PRDM16: variants seen among roughly 807,000 people sequenced by gnomAD.
PRDM16 encodes the protein PR/SET domain 16.
PRDM16 carries 23 observed loss-of-function variants against 110.6 expected under a neutral mutation model. That is an observed-to-expected ratio of 0.21 (90% CI 0.15 to 0.29). The LOEUF (loss-of-function observed/expected upper bound fraction) is 0.29, where lower values mean the gene tolerates loss of function less well. PRDM16 is among the 10% of genes least tolerant of loss of function. The pLI, the probability that PRDM16 is intolerant of heterozygous loss-of-function variation, is 1.00. For missense variants in PRDM16, 1,615 were observed against 1,794.3 expected (o/e 0.90, Z 1.81); for synonymous variants, 799 against 781.8 (o/e 1.02, Z -0.37).
chr1:3,145,935 C>A (rs1420605793), intron 1 of PRDM16, among the ~76,000 whole-genome samples: 1 of 152,046 alleles, frequency 6.6e-6, no homozygotes, highest in Non-Finnish European at 1.5e-5. Flanking sequence ...TCCCCCGGCG[C>A]CCCCCGGGTC....
At chr1:3,207,931 C>T (rs991550510) in intron 2 of PRDM16, 3 of 152,296 alleles carry the variant, frequency 2.0e-5, no homozygotes, top group African/African-American at 7.2e-5. Context: ...GCTGCTGGCA[C>T]AGCGGCTGAG....
At chr1:3,147,660 G>A (rs1170279194) in intron 1 of PRDM16, among the ~76,000 whole-genome samples, 1 of 152,156 alleles carries the variant, frequency 6.6e-6, no homozygotes, top group Non-Finnish European at 1.5e-5. Flanking sequence ...GTCGCACACA[G>A]CACCGGTCCC....
rs1640034805 is a variant in PRDM16, at chr1:3,255,910, A to G, written c.438+11773A>G. Among the ~76,000 whole-genome samples the G allele has an allele frequency of 6.6e-6, 1 of 151,950 alleles. No homozygotes were observed. The highest frequency in any genetic ancestry group is 1.5e-5 in the Non-Finnish European group (1 of 68,002). ...CACCCGAAGCCAACCCCGTGGCCGCACCGACACCTGAAGCCAATCCCGTGG... is the reference window on the plus strand; with the variant it reads ...CACCCGAAGCCAACCCCGTGGCCGCGCCGACACCTGAAGCCAATCCCGTGG... On this transcript the variant is annotated intron_variant, in intron 3 of 16. Coordinates refer to ENST00000270722, the MANE Select transcript of PRDM16 (RefSeq NM_022114.4). This position sits in a 1 kb window ranked among gnomAD's most constrained non-coding sequence, Gnocchi z 4.7.
At chr1:3,115,161 C>T (rs1310525852) in intron 1 of PRDM16, among the ~76,000 whole-genome samples, 1 of 152,212 alleles carries the variant, frequency 6.6e-6, no homozygotes, top group Admixed American at 6.5e-5. Flanking sequence ...GTTGGGGGGG[C>T]ACTCGCTATT....
At chr1:3,317,124 T>C (rs1641625871) in intron 3 of PRDM16, among the ~76,000 whole-genome samples, 1 of 152,182 alleles carries the variant, frequency 6.6e-6, no homozygotes, top group Non-Finnish European at 1.5e-5. Context: ...CTACGTGGTC[T>C]CGAGGTTGTC....
intron 2 of PRDM16, among the ~76,000 whole-genome samples, chr1:3,194,312 C>T (rs1417322488): frequency 6.6e-6 from 1 of 152,226 alleles, no homozygotes; most frequent in African/African-American, 2.4e-5. Context: ...GCGCTTCCTT[C>T]TGTCTCTCCC....
intron 3 of PRDM16, among the ~76,000 whole-genome samples, chr1:3,364,278 T>A (rs992037385): frequency 6.6e-6 from 1 of 151,704 alleles, no homozygotes; most frequent in Admixed American, 6.6e-5. Flanking sequence ...TGGGCGGAGG[T>A]CTGTATTGTG....
chr1:3,278,171 G>A (rs139939203), intron 3 of PRDM16, among the ~76,000 whole-genome samples: 14 of 152,246 alleles, frequency 9.2e-5, no homozygotes, highest in African/African-American at 2.2e-4. Context: ...TGGCCTTACC[G>A]TCCTCGCCTG....
intron 2 of PRDM16, among the ~76,000 whole-genome samples, chr1:3,203,091 G>T (rs1638671441): frequency 6.6e-6 from 1 of 152,182 alleles, no homozygotes; most frequent in African/African-American, 2.4e-5. Context: ...GGGTCACCAA[G>T]ATAAAGCAGG....
rs1642530864 is a variant in PRDM16 at position 3,353,324 on chromosome 1, G to A, written c.439-31828G>A. Reference sequence around the variant, plus strand: ...CAGCCTGGGTCCCTGCAGAAACCTGGCTCGGCCTGGGGGCTATGGCAGGGC... The same window carrying A: ...CAGCCTGGGTCCCTGCAGAAACCTGACTCGGCCTGGGGGCTATGGCAGGGC... On this transcript the variant is annotated intron_variant, in intron 3 of 16. Coordinates refer to ENST00000270722, the MANE Select transcript of PRDM16 (RefSeq NM_022114.4). The surrounding 1 kb of genome is among the most constrained non-coding windows in gnomAD (Gnocchi z 5.4). 6.6e-6 allele frequency among the ~76,000 whole-genome samples: 1 copy of A among 152,228 alleles called. No homozygotes were observed. Among genetic ancestry groups the A allele is most frequent in the Non-Finnish European group, 1.5e-5 (1 of 68,032 alleles).
rs74425757 is a variant in PRDM16 at position 3,184,877 on chromosome 1, C to T, written c.38-1248C>T. ...TGGTCCAGGCTGCGCGTGCCAGGGC[C>T]GCCCTCCTCCTTGGGGAGGGGTGGT... On this transcript the variant is annotated intron_variant, in intron 1 of 16. Transcript: ENST00000270722. Among the ~76,000 whole-genome samples, 572 of 152,004 alleles carry T rather than the reference C, an allele frequency of 3.8e-3. 3 individuals carry two copies. Among genetic ancestry groups the T allele is most frequent in the Non-Finnish European group, 4.7e-3 (319 of 67,942 alleles).
intron 3 of PRDM16, among the ~76,000 whole-genome samples, chr1:3,282,459 C>A (rs115964961): frequency 0.017 from 2,594 of 152,270 alleles, 79 homozygotes; most frequent in African/African-American, 0.059. Context: ...GCCGCAGGGC[C>A]CCCTGGTTTG....
At chr1:3,177,928 G>A (rs185664573) in intron 1 of PRDM16, among the ~76,000 whole-genome samples, 305 of 152,328 alleles carry the variant, frequency 2.0e-3, no homozygotes, top group South Asian at 0.012. Flanking sequence ...GCCTCGTGCT[G>A]GGTCCTGCCT....
At chr1:3,383,730 C>T (rs901483837) in intron 3 of PRDM16, among the ~76,000 whole-genome samples, 4 of 152,164 alleles carry the variant, frequency 2.6e-5, no homozygotes, top group Non-Finnish European at 5.9e-5. Context: ...AGTCAGCCTC[C>T]ACTGTTTTCA....
At chr1:3,291,569 C>T (rs568401026) in intron 3 of PRDM16, among the ~76,000 whole-genome samples, 3 of 151,926 alleles carry the variant, frequency 2.0e-5, no homozygotes, top group Non-Finnish European at 4.4e-5. Flanking sequence ...ACACTCCTCC[C>T]GCCCCTGCCC....
chr1:3,288,885 C>T (rs1265470999), intron 3 of PRDM16, among the ~76,000 whole-genome samples: 1 of 152,174 alleles, frequency 6.6e-6, no homozygotes, highest in Non-Finnish European at 1.5e-5. Context: ...TGGGTGTTCT[C>T]CTCCCACATT....
chr1:3,397,311 C>T (rs573845608), intron 5 of PRDM16, among the ~76,000 whole-genome samples: 4 of 152,374 alleles, frequency 2.6e-5, no homozygotes, highest in African/African-American at 9.6e-5. Flanking sequence ...CTGCCAGTCC[C>T]TCTCTGTCGA....
At chr1:3,070,161 G>C (rs1473549793) in intron 1 of PRDM16, among the ~76,000 whole-genome samples, 2 of 151,880 alleles carry the variant, frequency 1.3e-5, no homozygotes, top group African/African-American at 4.8e-5. Context: ...GGCACAGCCG[G>C]GCCCGGCGGG....
At position 3,186,206 on chromosome 1, in the gene PRDM16, A is replaced by G; in HGVS notation, c.119A>G (p.Asp40Gly). ...ASHSAEDEAEDSAMSPIPVGP... is the reference protein window; with the variant it reads ...ASHSAEDEAEGSAMSPIPVGP... Reference sequence around the variant, plus strand: ...CACAGCGCGGAGGACGAGGCCGAGGACAGTGCCATGTCGCCCATCCCCGTG... The same window carrying G: ...CACAGCGCGGAGGACGAGGCCGAGGGCAGTGCCATGTCGCCCATCCCCGTG... The change falls in exon 2 of 17, where the codon GAC becomes GGC. Residue 40 changes from aspartate to glycine, a missense_variant. This residue lies in a region of PRDM16 where 416 missense variants were observed against 467.1 expected (regional missense o/e 0.89). Transcript: ENST00000270722. 6.2e-7 allele frequency: 1 copy of G among 1,612,808 alleles called. No individual in the cohort carries two copies. Among genetic ancestry groups the G allele is most frequent in the South Asian group, 1.1e-5 (1 of 91,072 alleles).
Sources: gnomAD v4.1 joint callset for allele counts (sites outside exome capture counted in the v4.1 genomes callset) on GRCh38, gnomAD v4.1.1 for gene constraint, gnomAD v4.1.1 regional missense constraint, Gnocchi (gnomAD v3.1) non-coding constraint, MANE v1.5 for transcripts, NCBI Gene and HGNC (gene_info 2026-07-23, HGNC 2026-07-21) for gene names.